Variants in NKD2 observed in about 807,000 individuals in gnomAD.
The protein encoded by NKD2 is NKD inhibitor of Wnt signaling pathway 2.
NKD2 carries 43 observed loss-of-function variants against 34.8 expected under a neutral mutation model. That is an observed-to-expected ratio of 1.24 (90% CI 0.97 to 1.60). The LOEUF (loss-of-function observed/expected upper bound fraction) is 1.60, where lower values mean the gene tolerates loss of function less well. NKD2 is among the 40% of genes most tolerant of loss of function. The pLI, the probability that NKD2 is intolerant of heterozygous loss-of-function variation, is 0.00. For missense variants in NKD2, 675 were observed against 627.1 expected (o/e 1.08, Z -0.82); for synonymous variants, 278 against 265.1 (o/e 1.05, Z -0.47).
At position 1,009,508 on chromosome 5, in the gene NKD2, C is replaced by T. The variant is rs750486877; in HGVS notation, c.89C>T (p.Ala30Val). Reference protein sequence around the residue: ...EGDSFVASAYASGRKGAEEAE... With the variant: ...EGDSFVASAYVSGRKGAEEAE... ...GACAGCTTCGTGGCGTCCGCGTACG[C>T]GAGCGGCCGCAAAGGCGCGGAGGAA... The change falls in exon 3 of 10, where the codon GCG (alanine) becomes GTG (valine). Residue 30 changes from alanine to valine, a missense_variant. Ala to Val is a moderately conservative substitution (Grantham distance 64). Coordinates refer to ENST00000296849, the MANE Select transcript of NKD2 (RefSeq NM_033120.4). This position sits in a 1 kb window ranked among gnomAD's most constrained non-coding sequence, Gnocchi z 6.9. The T allele has an allele frequency of 6.7e-7, 1 of 1,497,878 alleles. No individual in the cohort carries two copies. The allele number at this position is 1,497,878 out of a possible 1,614,324, so 92.8% of individuals were successfully genotyped here.
chr5:1,030,497 C>A (rs145367104), intron 3 of NKD2, among the ~76,000 whole-genome samples: 63 of 152,348 alleles, frequency 4.1e-4, no homozygotes, highest in Non-Finnish European at 7.9e-4. Flanking sequence ...CACTGCTCTG[C>A]ACTCCATGGA....
intron 3 of NKD2, among the ~76,000 whole-genome samples, chr5:1,014,895 C>T (rs1755886977): frequency 2.0e-5 from 3 of 152,358 alleles, no homozygotes; most frequent in South Asian, 4.1e-4. Context: ...AGGTTTCTGT[C>T]ATCCCATCGT....
Position 1,032,771 on chromosome 5 carries a change from C to T in NKD2, c.202+559C>T, listed in dbSNP as rs182264995. ...CAGTGGGAAGGCAGGCCCAGAGCAT[C>T]GTCCCAGCTCAGGCTCGACGTGCAC... is the stretch of plus-strand genomic sequence containing the variant. On this transcript the variant is annotated intron_variant, in intron 4 of 9. Coordinates refer to ENST00000296849, the MANE Select transcript of NKD2 (RefSeq NM_033120.4). 9.2e-5 allele frequency among the ~76,000 whole-genome samples: 14 copies of T among 152,340 alleles called. No homozygotes were observed. The East Asian group carries it at 2.1e-3, about 23-fold the overall frequency.
intron 3 of NKD2, among the ~76,000 whole-genome samples, chr5:1,019,002 CAG>C (rs1174888219): frequency 6.6e-6 from 1 of 152,174 alleles, no homozygotes; most frequent in Admixed American, 6.5e-5. Flanking sequence ...CTGGGAGACT[CAG>C]AGCCCTGTTG....
At position 1,015,782 on chromosome 5, in the gene NKD2, T is replaced by C. The variant is rs1346750509; in HGVS notation, c.141+6222T>C. ...GGAACCCGAGGGGGCCTGTGCTGCG[T>C]CCTGGGGCATTCATGCTGGAGGGTT... On this transcript the variant is annotated intron_variant, in intron 3 of 9. Coordinates refer to ENST00000296849, the MANE Select transcript of NKD2 (RefSeq NM_033120.4). Among the ~76,000 whole-genome samples the C allele has an allele frequency of 4.6e-5, 7 of 152,256 alleles. No homozygotes were observed. The East Asian group carries it at 1.4e-3, about 29-fold the overall frequency.
chr5:1,035,316 G>T (rs1733839927), intron 7 of NKD2, 73 bp from the exon 8 acceptor site: 77 of 1,162,944 alleles, frequency 6.6e-5, no homozygotes, highest in Middle Eastern at 1.9e-4. Context: ...GTGAGTTAAT[G>T]AATGAGTGAA....
At chr5:1,027,873 A>G (rs1379058484) in intron 3 of NKD2, among the ~76,000 whole-genome samples, 2 of 152,206 alleles carry the variant, frequency 1.3e-5, no homozygotes, top group African/African-American at 2.4e-5. Flanking sequence ...AGGTGCCTGC[A>G]CCGGCACTTC....
intron 3 of NKD2, among the ~76,000 whole-genome samples, chr5:1,013,251 C>T (rs562384883): frequency 6.6e-6 from 1 of 152,224 alleles, no homozygotes; most frequent in Non-Finnish European, 1.5e-5. Context: ...TGTTCCGGGA[C>T]CCTGTGTCCT....
intron 3 of NKD2, among the ~76,000 whole-genome samples, chr5:1,013,016 C>T (rs888409441): frequency 3.9e-5 from 6 of 152,342 alleles, no homozygotes; most frequent in African/African-American, 1.4e-4. Flanking sequence ...GGCCAGTGCA[C>T]GTGCGCCCAG....
At position 1,033,633 on chromosome 5, in the gene NKD2, G is replaced by A. The variant is rs568271039; in HGVS notation, c.330+134G>A. On this transcript the variant is annotated intron_variant, in intron 5 of 9. Transcript: ENST00000296849. Reference sequence around the variant, plus strand: ...CTCAGTCTTCCCCACAGTTCACCCCGTTTAAGGCATTGAAGCAGAACTTGA... The same window carrying A: ...CTCAGTCTTCCCCACAGTTCACCCCATTTAAGGCATTGAAGCAGAACTTGA... The A allele has an allele frequency of 1.3e-4, 140 of 1,114,664 alleles. 1 individual carries two copies. In the Admixed American group the frequency reaches 1.6e-3, roughly 13 times the overall value. 69.0% of individuals were successfully genotyped at this position (1,114,664 alleles called of 1,614,324 possible).
In NKD2 at chr5:1,038,142, C is replaced by CCCACCG; in HGVS notation, c.1131_1136dup (p.Pro378_Pro379dup). ...AGGACGGCCACCACCTCCCGCAGCC[C>CCCACCG]CCACCGCCACCCTACGGCCACAAGC... On this transcript the variant is annotated inframe_insertion, in exon 10 of 10. Coordinates refer to ENST00000296849, the MANE Select transcript of NKD2 (RefSeq NM_033120.4). This position sits in a 1 kb window ranked among gnomAD's most constrained non-coding sequence, Gnocchi z 4.5. The CCCACCG allele has an allele frequency of 6.3e-7, 1 of 1,586,988 alleles. No individual in the cohort carries two copies. The highest frequency in any genetic ancestry group is 8.6e-7 in the Non-Finnish European group (1 of 1,168,908).
chr5:1,020,785 C>CCCGTG (rs1359100071), intron 3 of NKD2, among the ~76,000 whole-genome samples: 1 of 151,692 alleles, frequency 6.6e-6, no homozygotes, highest in Non-Finnish European at 1.5e-5. Flanking sequence ...GTAAGGATGC[C>CCCGTG]CCGTGGGTTG....
At chr5:1,017,180 C>T (rs528723965) in intron 3 of NKD2, among the ~76,000 whole-genome samples, 4 of 152,326 alleles carry the variant, frequency 2.6e-5, no homozygotes, top group South Asian at 2.1e-4. Flanking sequence ...CCTGCTGCCC[C>T]GGGGACGTGG....
rs1287001851 is a variant in NKD2, at chr5:1,033,280, G to A, written c.203-92G>A. ...AGGCCCGTCTGGACAGGATCATGGT[G>A]TGGTGAGGGGAGAGCAGCGAGGGTC... On this transcript the variant is annotated intron_variant, in intron 4 of 9. Transcript: ENST00000296849. The A allele has an allele frequency of 1.5e-5, 18 of 1,214,060 alleles. No individual in the cohort carries two copies. In the South Asian group the frequency reaches 2.3e-4, roughly 16 times the overall value. The allele number at this position is 1,214,060 out of a possible 1,614,324, so 75.2% of individuals were successfully genotyped here. A position where few individuals can be genotyped will look rare whatever the true frequency, so the allele number is the denominator to read the frequency against.
chr5:1,036,509 C>T (rs1733951409), intron 9 of NKD2, 125 bp downstream of exon 9: 8 of 606,316 alleles, frequency 1.3e-5, no homozygotes, highest in Middle Eastern at 4.6e-4. Context: ...CCCAACCCCC[C>T]CCACCCCACC....
intron 3 of NKD2, among the ~76,000 whole-genome samples, chr5:1,012,167 C>G (rs1265065506): frequency 1.3e-5 from 2 of 152,258 alleles, no homozygotes; most frequent in Non-Finnish European, 2.9e-5. Context: ...CTACAGCGCT[C>G]CCTGAGGCTG....
intron 3 of NKD2, among the ~76,000 whole-genome samples, chr5:1,021,841 G>T (rs1029617341): frequency 6.6e-6 from 1 of 152,048 alleles, no homozygotes; most frequent in Non-Finnish European, 1.5e-5. Flanking sequence ...CTCCCAGCAG[G>T]GATAAGGCGG....
intron 5 of NKD2, 27 bp downstream of exon 5, chr5:1,033,526 G>A (rs532988507): frequency 8.5e-6 from 13 of 1,533,688 alleles, no homozygotes; most frequent in African/African-American, 2.7e-5. Context: ...CCTCACTTGC[G>A]GGAACACGTC....
chr5:1,034,524 C>T (rs544998070), intron 6 of NKD2, among the ~76,000 whole-genome samples, 194 bp downstream of exon 6: 1 of 152,278 alleles, frequency 6.6e-6, no homozygotes, highest in South Asian at 2.1e-4. Context: ...CCCATTTCTG[C>T]GGCTGTGCTT....
Sources: gnomAD v4.1 joint callset for allele counts (sites outside exome capture counted in the v4.1 genomes callset) on GRCh38, gnomAD v4.1.1 for gene constraint, Gnocchi (gnomAD v3.1) non-coding constraint, MANE v1.5 for transcripts, NCBI Gene and HGNC (gene_info 2026-07-23, HGNC 2026-07-21) for gene names.